The following TXNL1 variants were observed in gnomAD, a reference collection of about 807,000 sequenced individuals.
The protein encoded by TXNL1 is thioredoxin like 1.
A neutral mutation model predicts 35.5 loss-of-function variants in TXNL1; 14 were observed. The ratio of observed to expected loss-of-function variants is 0.39; its 90% CI spans 0.26 to 0.62. TXNL1 has a LOEUF of 0.62. Ranked by LOEUF, TXNL1 falls within the 20% of genes least tolerant of loss-of-function variation. TXNL1 has a pLI of 0.47. For missense variants in TXNL1, 263 were observed against 349.7 expected (o/e 0.75, Z 1.98); for synonymous variants, 110 against 115.5 (o/e 0.95, Z 0.31).
intron 3 of TXNL1, among the ~76,000 whole-genome samples, chr18:56,620,986 T>C (rs2024171309): frequency 6.6e-6 from 1 of 152,220 alleles, no homozygotes; most frequent in South Asian, 2.1e-4. Flanking sequence ...ATTCGGAGCA[T>C]TATGAACATT....
chr18:56,612,806 A>T (rs945959656), intron 6 of TXNL1, among the ~76,000 whole-genome samples: 1 of 152,208 alleles, frequency 6.6e-6, no homozygotes, highest in Admixed American at 6.5e-5. Flanking sequence ...TACTAAGTTT[A>T]ATATAACAAT....
rs1272303021 is a variant in TXNL1, at chr18:56,600,612, T to A, written c.*2415A>T. On this transcript the variant is annotated 3_prime_UTR_variant, in exon 8 of 8. Transcript: ENST00000217515. ...GACTGGGGAACAACGTGGGGCAGGT[T>A]TCAACTCTAATTGTTACGTGGCTGC... The A allele has an allele frequency of 6.7e-6, 1 of 150,166 alleles. No individual in the cohort carries two copies. The highest frequency in any genetic ancestry group is 1.5e-5 in the Non-Finnish European group (1 of 67,714). 9.3% of individuals were successfully genotyped at this position (150,166 alleles called of 1,614,324 possible).
In TXNL1 at chr18:56,624,519, C is replaced by G. The variant is rs913709928; in HGVS notation, c.196-58G>C. The G allele has an allele frequency of 5.3e-6, 8 of 1,511,322 alleles. No homozygotes were observed. In the African/African-American group the frequency reaches 8.3e-5, roughly 16 times the overall value. 93.6% of individuals were successfully genotyped at this position (1,511,322 alleles called of 1,614,324 possible). ...TAAATCTTAAACCACTTTGAATATT[C>G]ATTCTACACCTTTATGGAAGTTAAA... On this transcript the variant is annotated intron_variant, in intron 2 of 7. Coordinates refer to ENST00000217515, the MANE Select transcript of TXNL1 (RefSeq NM_004786.3).
At chr18:56,638,055 G>T (rs2024485160) in intron 1 of TXNL1, among the ~76,000 whole-genome samples, 3 of 152,210 alleles carry the variant, frequency 2.0e-5, no homozygotes, top group African/African-American at 4.8e-5. Flanking sequence ...AGGAATAGGG[G>T]CGGGCCACCC....
chr18:56,612,147 G>A (rs35096744), intron 6 of TXNL1, among the ~76,000 whole-genome samples: 91,455 of 150,906 alleles, frequency 0.61, 32,727 homozygotes, highest in Non-Finnish European at 0.78. Context: ...GATTACAGGT[G>A]TGAGCCACCG....
rs1050120089 is a variant in TXNL1, at chr18:56,598,983, G to A, written c.*4044C>T. The A allele has an allele frequency of 6.6e-6, 1 of 152,050 alleles. No individual in the cohort carries two copies. Among genetic ancestry groups the A allele is most frequent in the African/African-American group, 2.4e-5 (1 of 41,396 alleles). The allele number at this position is 152,050 out of a possible 1,614,324, so 9.4% of individuals were successfully genotyped here. ...AGATCATGTTTTCACAATTAATTCT[G>A]GTCTGTTCAACTTAGAAATAATTCC... On this transcript the variant is annotated 3_prime_UTR_variant, in exon 8 of 8. Transcript: ENST00000217515.
chr18:56,621,678 T>C lies in TXNL1; in HGVS notation c.369+2610A>G, dbSNP rs182158911. Among the ~76,000 whole-genome samples the C allele has an allele frequency of 5.3e-5, 8 of 152,164 alleles. No individual in the cohort carries two copies. In the East Asian group the frequency reaches 1.5e-3, roughly 29 times the overall value. Reference sequence around the variant, plus strand: ...TGCCAATCATGGGAAAATAATCAGGTTAATCCAGAATACGCAACAGTCTAT... The same window carrying C: ...TGCCAATCATGGGAAAATAATCAGGCTAATCCAGAATACGCAACAGTCTAT... On this transcript the variant is annotated intron_variant, in intron 3 of 7. Coordinates refer to ENST00000217515, the MANE Select transcript of TXNL1 (RefSeq NM_004786.3).
chr18:56,633,433 C>A (rs765624972), intron 1 of TXNL1, among the ~76,000 whole-genome samples: 2 of 115,702 alleles, frequency 1.7e-5, no homozygotes, highest in African/African-American at 3.4e-5. Flanking sequence ...GGCTAGAGAG[C>A]GAGACTCTGT....
intron 1 of TXNL1, among the ~76,000 whole-genome samples, chr18:56,632,650 T>C (rs372153574): frequency 6.6e-5 from 10 of 152,066 alleles, no homozygotes; most frequent in African/African-American, 1.9e-4. Flanking sequence ...ACTACATAAC[T>C]GTATGATTCT....
At chr18:56,636,654 G>A (rs1052486950) in intron 1 of TXNL1, among the ~76,000 whole-genome samples, 2 of 152,080 alleles carry the variant, frequency 1.3e-5, no homozygotes, top group African/African-American at 4.8e-5. Flanking sequence ...TTATGCTTAA[G>A]TGACACCACA....
At chr18:56,635,099 C>A (rs2024435743) in intron 1 of TXNL1, among the ~76,000 whole-genome samples, 1 of 151,774 alleles carries the variant, frequency 6.6e-6, no homozygotes. Flanking sequence ...GTCTCTAAAA[C>A]AAAAAATAAA....
At chr18:56,626,809 T>C (rs2024290843) in intron 1 of TXNL1, among the ~76,000 whole-genome samples, 1 of 128,466 alleles carries the variant, frequency 7.8e-6, no homozygotes, top group African/African-American at 3.0e-5. Context: ...TTTTTTTTTT[T>C]TTTTTTTTTT....
chr18:56,614,054 C>A (rs758773386), intron 6 of TXNL1, among the ~76,000 whole-genome samples: 2 of 151,964 alleles, frequency 1.3e-5, no homozygotes, highest in Non-Finnish European at 2.9e-5. Flanking sequence ...GACCACCACA[C>A]TTAAAAACTC....
chr18:56,627,248 G>A (rs918988235), intron 1 of TXNL1, among the ~76,000 whole-genome samples: 10 of 152,142 alleles, frequency 6.6e-5, no homozygotes, highest in African/African-American at 2.4e-4. Flanking sequence ...CTCACTGAGA[G>A]AAATTAAAGA....
intron 5 of TXNL1, among the ~76,000 whole-genome samples, chr18:56,615,476 G>C (rs1345143696): frequency 6.7e-6 from 1 of 149,060 alleles, no homozygotes; most frequent in African/African-American, 2.5e-5. Flanking sequence ...AAAATGGGGG[G>C]GGGCAAAAAA....
At chr18:56,618,712 C>T (rs930864682) in intron 3 of TXNL1, among the ~76,000 whole-genome samples, 11 of 151,402 alleles carry the variant, frequency 7.3e-5, no homozygotes, top group Non-Finnish European at 1.6e-4. Flanking sequence ...AGCATCTTTT[C>T]ATTTCATTCA....
In TXNL1 at chr18:56,624,193, G is replaced by C. The variant is rs568411628; in HGVS notation, c.369+95C>G. On this transcript the variant is annotated intron_variant, in intron 3 of 7. Transcript: ENST00000217515. ...TTAAAAGTATTCTAAACCAGTAAGAGATAGAAGATGGAAACATAGTTATAT... is the reference window on the plus strand; with the variant it reads ...TTAAAAGTATTCTAAACCAGTAAGACATAGAAGATGGAAACATAGTTATAT... 5.3e-6 allele frequency: 7 copies of C among 1,326,652 alleles called. No homozygotes were observed. In the South Asian group the frequency reaches 1.2e-4, roughly 22 times the overall value. The allele number at this position is 1,326,652 out of a possible 1,614,324, so 82.2% of individuals were successfully genotyped here.
chr18:56,637,084 C>T (rs965691662), intron 1 of TXNL1, among the ~76,000 whole-genome samples: 12 of 152,112 alleles, frequency 7.9e-5, no homozygotes, highest in African/African-American at 2.9e-4. Context: ...TCTAGCCCAC[C>T]ATATGAAATG....
rs2144268258 is a variant in TXNL1 at position 56,601,197 on chromosome 18, TAGTA to T, written c.*1826_*1829del. 6.6e-6 allele frequency: 1 copy of T among 152,328 alleles called. No individual in the cohort carries two copies. The highest frequency in any genetic ancestry group is 2.1e-4 in the South Asian group (1 of 4,830). 9.4% of individuals were successfully genotyped at this position (152,328 alleles called of 1,614,324 possible). On this transcript the variant is annotated 3_prime_UTR_variant, in exon 8 of 8. Transcript: ENST00000217515. ...AAATGCCAATTATGCACATTTATAA[TAGTA>T]AGATTTCCCATTAAGTGAAACGTTA...
Sources: allele counts gnomAD v4.1 joint callset (sites outside exome capture counted in the v4.1 genomes callset), GRCh38; gene constraint gnomAD v4.1.1; transcripts MANE v1.5; gene names NCBI Gene and HGNC (gene_info 2026-07-23, HGNC 2026-07-21).